Variants in TOMT observed in about 807,000 individuals in gnomAD.
The protein encoded by TOMT is transmembrane O-methyltransferase.
A neutral mutation model predicts 21.7 loss-of-function variants in TOMT; 23 were observed. The observed-to-expected ratio is 1.06, with a 90% CI of 0.76 to 1.50. The LOEUF (loss-of-function observed/expected upper bound fraction) is 1.50. TOMT is among the 40% of genes most tolerant of loss of function. The probability of loss-of-function intolerance (pLI) is 0.00; values close to 1 mark genes in which losing one functional copy is unlikely to be tolerated. For missense variants in TOMT, 331 were observed against 348.7 expected, an observed-to-expected ratio of 0.95 and a Z score of 0.41; for synonymous variants, 132 against 150.8, an observed-to-expected ratio of 0.88 and a Z score of 0.91.
Position 72,106,083 on chromosome 11 carries a change from GA to G in TOMT, c.133del (p.Ile45SerfsTer35). ...TCCGAGACTGCCTGTCAGGGCTGCG[GA>G]TCGAGGAGCGGGCCTTCAGCTACGT... On this transcript the variant is annotated frameshift_variant, in exon 1 of 3. Transcript: ENST00000541899. LOFTEE classifies it high-confidence loss of function. 6.5e-7 allele frequency: 1 copy of G among 1,550,142 alleles called. No individual in the cohort carries two copies. Among genetic ancestry groups the G allele is most frequent in the Non-Finnish European group, 8.7e-7 (1 of 1,146,954 alleles).
intron 1 of TOMT, 92 bp from the exon 2 acceptor site, chr11:72,107,831 T>C: frequency 7.1e-7 from 1 of 1,416,600 alleles, no homozygotes; most frequent in Non-Finnish European, 9.7e-7. Context: ...GGTTGGGAGC[T>C]GCAGTGAGGC....
Position 72,108,028 on chromosome 11 carries a change from C to CT in TOMT, c.366dup (p.Gly123TrpfsTer18). Reference sequence around the variant, plus strand: ...CTGCTTATTGCCCGAGCCCTGCCCCCTGGGGGTCGCCTTCTTACTGTGGAG... The same window carrying CT: ...CTGCTTATTGCCCGAGCCCTGCCCCCTTGGGGGTCGCCTTCTTACTGTGGAG... On this transcript the variant is annotated frameshift_variant, in exon 2 of 3. Transcript: ENST00000541899. LOFTEE classifies it high-confidence loss of function. 3 of 1,551,620 alleles carry CT rather than the reference C, an allele frequency of 1.9e-6. No homozygotes were observed. Among genetic ancestry groups the CT allele is most frequent in the Non-Finnish European group, 2.6e-6 (3 of 1,146,920 alleles).
At chr11:72,107,399 C>T (rs1472071553) in intron 1 of TOMT, 1 of 696,214 alleles carries the variant, frequency 1.4e-6, no homozygotes, top group Non-Finnish European at 2.6e-6. Context: ...TTGTTTCTGC[C>T]TGGGACTTCA....
chr11:72,106,380 G>A, intron 1 of TOMT, 170 bp downstream of exon 1: 3 of 699,184 alleles, frequency 4.3e-6, no homozygotes, highest in East Asian at 2.9e-5. Flanking sequence ...CATTTATTCA[G>A]CAAACATTTA....
At chr11:72,107,782 G>A in intron 1 of TOMT, 141 bp from the exon 2 acceptor site, 1 of 847,436 alleles carries the variant, frequency 1.2e-6, no homozygotes, top group Non-Finnish European at 1.9e-6. Context: ...CAGGAGGGCA[G>A]CTGGGGCTAT....
rs926298087 is a variant in TOMT at position 72,108,143 on chromosome 11, C to G, written c.456+24C>G. 4.1e-6 allele frequency: 6 copies of G among 1,473,456 alleles called. No homozygotes were observed. In the East Asian group the frequency reaches 1.0e-4, roughly 24 times the overall value. The allele number at this position is 1,473,456 out of a possible 1,614,324, so 91.3% of individuals were successfully genotyped here. A position where few individuals can be genotyped will look rare whatever the true frequency, so the allele number is the denominator to read the frequency against. ...TGGTCAGCCTCCCATCTCCCCAACC[C>G]AGATTTTTGTCACCCCAGGCCTTGC... is the stretch of plus-strand genomic sequence containing the variant. On this transcript the variant is annotated intron_variant, in intron 2 of 2. Transcript: ENST00000541899.
In TOMT at chr11:72,107,827, G is replaced by A. The variant is rs144484971; in HGVS notation, c.260-96G>A. On this transcript the variant is annotated intron_variant, in intron 1 of 2. Coordinates refer to ENST00000541899, the Ensembl canonical transcript of TOMT. ...GACAGATGAGACCCCGGCTGGTTGG[G>A]AGCTGCAGTGAGGCAGGTAGGCATT... 216 of 1,382,368 alleles carry A rather than the reference G, an allele frequency of 1.6e-4. No homozygotes were observed. In the African/African-American group the frequency reaches 2.2e-3, roughly 14 times the overall value. The allele number at this position is 1,382,368 out of a possible 1,614,324, so 85.6% of individuals were successfully genotyped here. A position where few individuals can be genotyped will look rare whatever the true frequency, so the allele number is the denominator to read the frequency against.
At chr11:72,108,231 C>T (rs1945912823) in intron 2 of TOMT, 112 bp downstream of exon 2, 1 of 937,956 alleles carries the variant, frequency 1.1e-6, no homozygotes, top group Non-Finnish European at 1.5e-6. Context: ...ACTCTGGGGA[C>T]TGTGATGCTG....
chr11:72,106,056 C>G (rs890009722), exon 1 of TOMT: 1 of 1,550,882 alleles, frequency 6.4e-7, no homozygotes, highest in Admixed American at 2.0e-5. Flanking sequence ...TGCTGCGAAG[C>G]CTCCGAGACT....
At chr11:72,107,755 C>T in intron 1 of TOMT, 168 bp from the exon 2 acceptor site, 1 of 682,994 alleles carries the variant, frequency 1.5e-6, no homozygotes, top group South Asian at 1.8e-5. Context: ...GAAGACTACA[C>T]TGTAGGAGAC....
At chr11:72,108,895 A>C in exon 3 of TOMT, 1 of 1,548,308 alleles carries the variant, frequency 6.5e-7, no homozygotes, top group African/African-American at 1.4e-5. Flanking sequence ...AGGATGGAAT[A>C]GCTCAGCTCA....
intron 1 of TOMT, 103 bp from the exon 2 acceptor site, chr11:72,107,820 T>C: frequency 2.3e-6 from 3 of 1,290,918 alleles, no homozygotes; most frequent in South Asian, 2.7e-5. Context: ...AGACCCCGGC[T>C]GGTTGGGAGC....
At chr11:72,107,956 C>T in exon 2 of TOMT, 5 of 1,551,690 alleles carry the variant, frequency 3.2e-6, no homozygotes, top group Non-Finnish European at 4.4e-6. Flanking sequence ...GAGGAGAAGG[C>T]CCCTGCTTGT....
At chr11:72,107,970 C>A (rs1945865565) in exon 2 of TOMT, 4 of 1,551,720 alleles carry the variant, frequency 2.6e-6, no homozygotes, top group Non-Finnish European at 3.5e-6. Flanking sequence ...TGCTTGTGTG[C>A]TGGAATTGGG....
intron 1 of TOMT, chr11:72,106,530 CTTTGTAATTAT>C: frequency 4.4e-6 from 1 of 227,916 alleles, no homozygotes; most frequent in Non-Finnish European, 8.5e-6. Context: ...TAACCCATAG[CTTTGTAATTAT>C]CTGTCTCCAC....
At chr11:72,108,888 A>T in exon 3 of TOMT, 1 of 1,549,592 alleles carries the variant, frequency 6.5e-7, no homozygotes. Flanking sequence ...GCCATCAAGG[A>T]TGGAATAGCT....
At chr11:72,108,639 T>C (rs1016060561) in exon 3 of TOMT, 1 of 1,500,280 alleles carries the variant, frequency 6.7e-7, no homozygotes, top group African/African-American at 1.4e-5. Context: ...GAGGACGTGA[T>C]CCCGTGCCTA....
exon 3 of TOMT, chr11:72,108,639 T>A: frequency 2.7e-6 from 4 of 1,500,400 alleles, no homozygotes; most frequent in Non-Finnish European, 3.6e-6. Context: ...GAGGACGTGA[T>A]CCCGTGCCTA....
downstream of TOMT, chr11:72,109,378 G>C: frequency 2.2e-6 from 1 of 461,912 alleles, no homozygotes; most frequent in South Asian, 1.5e-5. Context: ...TGAGTTAGAC[G>C]CCCTGCAGGA....
Sources: allele counts gnomAD v4.1 joint callset, GRCh38; gene constraint gnomAD v4.1.1; transcripts MANE v1.5; gene names NCBI Gene and HGNC (gene_info 2026-07-23, HGNC 2026-07-21).